LIMD1: variants seen among roughly 807,000 people sequenced by gnomAD.
LIMD1 encodes the protein LIM domain-containing protein 1.
A neutral mutation model predicts 58.4 loss-of-function variants in LIMD1; 23 were observed. That is an observed-to-expected ratio of 0.39 (90% CI 0.28 to 0.56). LIMD1 has a LOEUF of 0.56. Ranked by LOEUF, LIMD1 falls within the 20% of genes least tolerant of loss-of-function variation. The pLI is 0.57. For synonymous variants in LIMD1, 334 were observed against 345.5 expected (o/e 0.97, Z 0.37); for missense variants, 838 against 855.5 (o/e 0.98, Z 0.25).
chr3:45,659,904 C>T (rs927610135), intron 2 of LIMD1, among the ~76,000 whole-genome samples: 3 of 152,172 alleles, frequency 2.0e-5, no homozygotes, highest in Non-Finnish European at 1.5e-5. Context: ...TGAAAATATA[C>T]AGTGACAACA....
intron 2 of LIMD1, among the ~76,000 whole-genome samples, chr3:45,657,998 A>C (rs1284888824): frequency 6.6e-6 from 1 of 152,192 alleles, no homozygotes; most frequent in Non-Finnish European, 1.5e-5. Context: ...TTCTTCCGTA[A>C]AAGGCATGTG....
intron 1 of LIMD1, among the ~76,000 whole-genome samples, chr3:45,617,717 G>C (rs1379766575): frequency 6.6e-6 from 1 of 152,238 alleles, no homozygotes; most frequent in Non-Finnish European, 1.5e-5. Flanking sequence ...GGAGACAACT[G>C]TGGGTGGGTG....
chr3:45,643,531 CTGTG>C (rs1319232789), intron 2 of LIMD1, among the ~76,000 whole-genome samples: 1 of 151,950 alleles, frequency 6.6e-6, no homozygotes, highest in Non-Finnish European at 1.5e-5. Flanking sequence ...AGGCAAGGTC[CTGTG>C]TGCTCACTCC....
intron 1 of LIMD1, among the ~76,000 whole-genome samples, chr3:45,622,119 G>T (rs1307928488): frequency 1.3e-5 from 2 of 151,182 alleles, no homozygotes; most frequent in Non-Finnish European, 2.9e-5. Flanking sequence ...TTGCAGAGTT[G>T]TGCAACCATC....
intron 1 of LIMD1, among the ~76,000 whole-genome samples, chr3:45,635,450 AG>A (rs1701776497): frequency 6.6e-6 from 1 of 152,040 alleles, no homozygotes; most frequent in Admixed American, 6.6e-5. Context: ...GGGACTTGTT[AG>A]GGGGTGAGGA....
chr3:45,594,804 C>CACACACACACGGCACCTGG lies in LIMD1; in HGVS notation c.-66_-65insGGCACCTGGACACACACAC, dbSNP rs1701319232. ...ACACACACACACACACACACACACA[C>CACACACACACGGCACCTGG]ACACACACACACACACACACACACA... On this transcript the variant is annotated 5_prime_UTR_variant, in exon 1 of 8. Coordinates refer to ENST00000273317, the MANE Select transcript of LIMD1 (RefSeq NM_014240.3). 1 of 313,568 alleles carries CACACACACACGGCACCTGG rather than the reference C, an allele frequency of 3.2e-6. No homozygotes were observed. The highest frequency in any genetic ancestry group is 2.3e-5 in the African/African-American group (1 of 43,560). 19.4% of individuals were successfully genotyped at this position (313,568 alleles called of 1,614,324 possible).
At chr3:45,668,413 G>C in intron 4 of LIMD1, 57 bp downstream of exon 4, 1 of 1,347,390 alleles carries the variant, frequency 7.4e-7, no homozygotes, top group South Asian at 1.2e-5. Flanking sequence ...GAGGTGTTCA[G>C]AGAAAAAAGA....
intron 1 of LIMD1, among the ~76,000 whole-genome samples, chr3:45,605,151 C>G (rs879156847): frequency 6.6e-6 from 1 of 152,226 alleles, no homozygotes; most frequent in Admixed American, 6.5e-5. Flanking sequence ...GATGACCTCT[C>G]AGGGTCCTTC....
At chr3:45,603,834 C>G (rs1701441928) in intron 1 of LIMD1, among the ~76,000 whole-genome samples, 1 of 152,084 alleles carries the variant, frequency 6.6e-6, no homozygotes, top group Non-Finnish European at 1.5e-5. Flanking sequence ...GGCAATCTTC[C>G]TAAGTCAGGA....
At chr3:45,614,594 G>A (rs532489397) in intron 1 of LIMD1, among the ~76,000 whole-genome samples, 13 of 151,654 alleles carry the variant, frequency 8.6e-5, no homozygotes, top group African/African-American at 2.7e-4. Flanking sequence ...GTGGTGGTGC[G>A]TGCCTATAGT....
intron 1 of LIMD1, among the ~76,000 whole-genome samples, chr3:45,619,179 A>T (rs974836627): frequency 6.6e-6 from 1 of 151,234 alleles, no homozygotes; most frequent in African/African-American, 2.4e-5. Flanking sequence ...TTTATCTATT[A>T]TTTTTTTTTC....
intron 2 of LIMD1, among the ~76,000 whole-genome samples, chr3:45,652,490 G>A (rs1351691177): frequency 1.3e-5 from 2 of 152,174 alleles, no homozygotes; most frequent in African/African-American, 2.4e-5. Context: ...GCCAGACATT[G>A]TAAACTTTAC....
chr3:45,604,901 C>T (rs928222951), intron 1 of LIMD1, among the ~76,000 whole-genome samples: 1 of 152,232 alleles, frequency 6.6e-6, no homozygotes, highest in Non-Finnish European at 1.5e-5. Context: ...ATCCAGCCCT[C>T]CTGCTCTTTC....
chr3:45,632,275 A>G (rs1701741619), intron 1 of LIMD1, among the ~76,000 whole-genome samples: 1 of 152,236 alleles, frequency 6.6e-6, no homozygotes, highest in Admixed American at 6.5e-5. Context: ...GGCATTACCA[A>G]ACAATAACCT....
rs536365054 is a variant in LIMD1 at position 45,596,178 on chromosome 3, C to A, written c.1299C>A (p.Pro433=). The A allele has an allele frequency of 8.7e-6, 14 of 1,614,036 alleles. No homozygotes were observed. The South Asian group carries it at 1.4e-4, about 16-fold the overall frequency. ...SSPRVRLPCQ[P]LVPGPELRPS... is the part of the protein sequence containing the mutation. ...CTAGGGTAAGGCTGCCCTGCCAGCCCCTCGTCCCAGGTCCTGAGCTGAGAC... is the reference window on the plus strand; with the variant it reads ...CTAGGGTAAGGCTGCCCTGCCAGCCACTCGTCCCAGGTCCTGAGCTGAGAC... The change falls in exon 1 of 8, where the codon CCC becomes CCA. Residue 433 remains proline (P), a synonymous_variant. Transcript: ENST00000273317.
intron 1 of LIMD1, among the ~76,000 whole-genome samples, chr3:45,632,929 C>T (rs181928405): frequency 4.5e-4 from 69 of 152,310 alleles, no homozygotes; most frequent in African/African-American, 1.6e-3. Context: ...GTGGTGATGC[C>T]TCAACCCTGT....
At chr3:45,602,005 C>T (rs908781056) in intron 1 of LIMD1, among the ~76,000 whole-genome samples, 7 of 150,762 alleles carry the variant, frequency 4.6e-5, no homozygotes, top group South Asian at 4.2e-4. Context: ...TGCAGTGGCG[C>T]GATCTTGGCT....
intron 4 of LIMD1, among the ~76,000 whole-genome samples, chr3:45,668,645 T>C (rs1697550444): frequency 6.6e-6 from 1 of 151,836 alleles, no homozygotes; most frequent in Non-Finnish European, 1.5e-5. Flanking sequence ...CCCAGCTACT[T>C]GAGAGGCCAA....
chr3:45,601,673 A>G (rs1701414197), intron 1 of LIMD1, among the ~76,000 whole-genome samples: 2 of 152,174 alleles, frequency 1.3e-5, no homozygotes, highest in Admixed American at 1.3e-4. Context: ...TGATGTAGGC[A>G]CCATTCTCTG....
Sources: allele counts gnomAD v4.1 joint callset (sites outside exome capture counted in the v4.1 genomes callset), GRCh38; gene constraint gnomAD v4.1.1; transcripts MANE v1.5; gene names NCBI Gene and HGNC (gene_info 2026-07-23, HGNC 2026-07-21).